The following NALCN variants were observed in gnomAD, a reference collection of about 807,000 sequenced individuals.
NALCN encodes sodium leak channel, non-selective.
Under a neutral mutation model 225.3 loss-of-function variants are expected in NALCN, and 111 were observed. The ratio of observed to expected loss-of-function variants is 0.49; its 90% CI spans 0.42 to 0.58. The LOEUF (loss-of-function observed/expected upper bound fraction) is 0.58. Ranked by LOEUF, NALCN falls within the 20% of genes least tolerant of loss-of-function variation. The probability of loss-of-function intolerance (pLI) is 0.00; values close to 1 mark genes in which losing one functional copy is unlikely to be tolerated. For missense variants in NALCN, 1,378 were observed against 2,202.4 expected (o/e 0.63, Z 7.49); for synonymous variants, 764 against 769.0 (o/e 0.99, Z 0.11).
At chr13:101,151,511 G>A (rs1482735399) in intron 15 of NALCN, among the ~76,000 whole-genome samples, 1 of 152,150 alleles carries the variant, frequency 6.6e-6, no homozygotes, top group East Asian at 1.9e-4. Flanking sequence ...GTGAGTTGAT[G>A]TAACTGTAGA....
intron 3 of NALCN, among the ~76,000 whole-genome samples, chr13:101,387,380 T>C (rs1242693467): frequency 1.3e-5 from 2 of 152,140 alleles, no homozygotes; most frequent in East Asian, 1.9e-4. Context: ...CTTAGAAATA[T>C]TTTAGATGGA....
chr13:101,105,768 G>A (rs1171877066), intron 22 of NALCN, among the ~76,000 whole-genome samples: 4 of 152,126 alleles, frequency 2.6e-5, no homozygotes, highest in Non-Finnish European at 1.5e-5. Flanking sequence ...TTATAGAACA[G>A]CAGAAAGAAC....
At chr13:101,345,747 T>G (rs1473143641) in intron 6 of NALCN, among the ~76,000 whole-genome samples, 3 of 115,032 alleles carry the variant, frequency 2.6e-5, no homozygotes, top group African/African-American at 1.1e-4. Flanking sequence ...AATATATATA[T>G]ATATATATAT....
intron 10 of NALCN, among the ~76,000 whole-genome samples, chr13:101,263,506 T>C (rs903314731): frequency 6.6e-6 from 1 of 152,258 alleles, no homozygotes; most frequent in Non-Finnish European, 1.5e-5. Context: ...TCTTTTTCTA[T>C]TTTCCTTAGC....
chr13:101,104,864 T>G lies in NALCN; in HGVS notation c.2636+30A>C, dbSNP rs761152364. On this transcript the variant is annotated intron_variant, in intron 23 of 43. Coordinates refer to ENST00000251127, the MANE Select transcript of NALCN (RefSeq NM_052867.4). This position sits in a 1 kb window ranked among gnomAD's most constrained non-coding sequence, Gnocchi z 4.2. ...AAATAGTACATGAAAACTTTAAATGTGCATGGAAAATGAAGTTGGTGATGC... is the reference window on the plus strand; with the variant it reads ...AAATAGTACATGAAAACTTTAAATGGGCATGGAAAATGAAGTTGGTGATGC... 1.9e-6 allele frequency: 3 copies of G among 1,611,596 alleles called. No homozygotes were observed. The highest frequency in any genetic ancestry group is 2.5e-6 in the Non-Finnish European group (3 of 1,178,046).
At chr13:101,411,212 T>G (rs2047773079) in intron 1 of NALCN, among the ~76,000 whole-genome samples, 1 of 151,722 alleles carries the variant, frequency 6.6e-6, no homozygotes, top group South Asian at 2.1e-4. Context: ...TCTTTCTTTT[T>G]TTTCCTTTTT....
intron 35 of NALCN, 25 bp downstream of exon 35, chr13:101,075,843 TTAAGA>T: frequency 6.3e-7 from 1 of 1,579,030 alleles, no homozygotes; most frequent in Non-Finnish European, 8.6e-7. Flanking sequence ...TATATGACCT[TTAAGA>T]TAAGATTCTT....
chr13:101,211,666 A>ATC (rs879765169), intron 13 of NALCN, among the ~76,000 whole-genome samples: 5 of 150,274 alleles, frequency 3.3e-5, no homozygotes, highest in South Asian at 2.1e-4. Flanking sequence ...ATATATATAT[A>ATC]TATCTCATGG....
rs149082443 is a variant in NALCN, at chr13:101,232,777, A to C, written c.1435-3193T>G. The stretch of plus-strand genomic sequence containing the variant: ...CTGTAATTCTTAACATACATTCCCA[A>C]ATCAGGACATATTACTCTCAGATAA... On this transcript the variant is annotated intron_variant, in intron 12 of 43. Coordinates refer to ENST00000251127, the MANE Select transcript of NALCN (RefSeq NM_052867.4). 1.8e-3 allele frequency among the ~76,000 whole-genome samples: 269 copies of C among 152,202 alleles called. 1 individual carries two copies. The highest frequency in any genetic ancestry group is 0.01 in the Middle Eastern group (3 of 294).
intron 42 of NALCN, 28 bp from the exon 43 acceptor site, chr13:101,058,084 C>A: frequency 1.3e-6 from 2 of 1,592,518 alleles, no homozygotes; most frequent in Non-Finnish European, 8.6e-7. Context: ...CACACAGTTA[C>A]CGTCTTTTTA....
At chr13:101,291,057 C>T (rs1043097108) in intron 9 of NALCN, among the ~76,000 whole-genome samples, 2 of 152,084 alleles carry the variant, frequency 1.3e-5, no homozygotes, top group South Asian at 2.1e-4. Context: ...GTAATAACTG[C>T]CCTGCTGCTT....
intron 13 of NALCN, among the ~76,000 whole-genome samples, chr13:101,209,554 T>C (rs1334971438): frequency 6.6e-6 from 1 of 152,224 alleles, no homozygotes; most frequent in East Asian, 1.9e-4. Flanking sequence ...CTGGATATAA[T>C]TATTGCCGGA....
intron 17 of NALCN, among the ~76,000 whole-genome samples, chr13:101,139,451 C>T (rs1426629103): frequency 6.6e-6 from 1 of 152,174 alleles, no homozygotes; most frequent in Non-Finnish European, 1.5e-5. Context: ...TCTCCTGGTA[C>T]AAGATAACCA....
At chr13:101,282,412 A>T (rs150282446) in intron 10 of NALCN, among the ~76,000 whole-genome samples, 1 of 152,336 alleles carries the variant, frequency 6.6e-6, no homozygotes, top group East Asian at 1.9e-4. Context: ...ACACAGAAAG[A>T]CAAACACCGC....
chr13:101,388,433 A>T (rs192742912), intron 3 of NALCN, among the ~76,000 whole-genome samples: 10,425 of 146,284 alleles, frequency 0.071, 1,165 homozygotes, highest in African/African-American at 0.24. Context: ...TAAAAAAAAA[A>T]ATTTTGGTTG....
intron 15 of NALCN, among the ~76,000 whole-genome samples, chr13:101,167,524 T>C (rs1349001436): frequency 6.6e-6 from 1 of 152,194 alleles, no homozygotes; most frequent in Admixed American, 6.5e-5. Context: ...GTATCTGTTT[T>C]GCACCATCAT....
Position 101,363,465 on chromosome 13 carries a change from G to T in NALCN, c.644+13235C>A, listed in dbSNP as rs560235860. ...TACAGCCAATTCATTCTTGACAAAG[G>T]TATCAAGAACATTAAGGAAAGGACA... On this transcript the variant is annotated intron_variant, in intron 6 of 43. Transcript: ENST00000251127. 2.0e-4 allele frequency among the ~76,000 whole-genome samples: 31 copies of T among 152,048 alleles called. No homozygotes were observed. The South Asian group carries it at 6.2e-3, about 31-fold the overall frequency.
intron 34 of NALCN, among the ~76,000 whole-genome samples, 176 bp downstream of exon 34, chr13:101,081,351 A>G (rs541432501): frequency 5.9e-5 from 9 of 152,236 alleles, no homozygotes; most frequent in South Asian, 4.1e-4. Flanking sequence ...GGGGGTGTGT[A>G]CATGTAGACA....
chr13:101,122,111 G>T (rs556939912), intron 18 of NALCN, among the ~76,000 whole-genome samples: 15 of 152,038 alleles, frequency 9.9e-5, no homozygotes, highest in Admixed American at 9.8e-4. Context: ...TATAATGCAG[G>T]TATGGTATCA....
Sources: gnomAD v4.1 joint callset for allele counts (sites outside exome capture counted in the v4.1 genomes callset) on GRCh38, gnomAD v4.1.1 for gene constraint, Gnocchi (gnomAD v3.1) non-coding constraint, MANE v1.5 for transcripts, NCBI Gene and HGNC (gene_info 2026-07-23, HGNC 2026-07-21) for gene names.